DNAH2: variants seen among roughly 807,000 people sequenced by gnomAD.
DNAH2 encodes dynein axonemal heavy chain 2.
A neutral mutation model predicts 523.5 loss-of-function variants in DNAH2; 323 were observed. The ratio of observed to expected loss-of-function variants is 0.62; its 90% CI spans 0.56 to 0.68. The LOEUF is 0.68. Among genes scored for constraint, DNAH2 ranks in the 30% least tolerant of loss-of-function variants. The pLI, the probability that DNAH2 is intolerant of heterozygous loss-of-function variation, is 0.00. For missense variants in DNAH2, 4,907 were observed against 5,701.5 expected (o/e 0.86, Z 4.49); for synonymous variants, 2,093 against 2,177.4 (o/e 0.96, Z 1.08).
chr17:7,825,524 C>T (rs995261200), intron 77 of DNAH2, among the ~76,000 whole-genome samples: 4 of 152,226 alleles, frequency 2.6e-5, no homozygotes, highest in Middle Eastern at 3.2e-3. Context: ...ATCACTCCTG[C>T]TTTCCCCGCT....
chr17:7,814,824 G>A (rs1047384478), intron 63 of DNAH2, among the ~76,000 whole-genome samples: 7 of 152,208 alleles, frequency 4.6e-5, no homozygotes, highest in Non-Finnish European at 1.0e-4. Context: ...ACTCCAGCCT[G>A]GGAGACAAGA....
At position 7,786,070 on chromosome 17, in the gene DNAH2, C is replaced by G; in HGVS notation, c.6130-54C>G. The G allele has an allele frequency of 6.3e-7, 1 of 1,586,172 alleles. No homozygotes were observed. The highest frequency in any genetic ancestry group is 8.6e-7 in the Non-Finnish European group (1 of 1,157,994). On this transcript the variant is annotated intron_variant, in intron 39 of 85. Coordinates refer to ENST00000572933, the MANE Select transcript of DNAH2 (RefSeq NM_020877.5). The surrounding 1 kb of genome is among the most constrained non-coding windows in gnomAD (Gnocchi z 7.5). ...CTGGCACCGGGGAGATTTTGAAAGC[C>G]CTTTAAAGGCCTCATCCTTTTTCTT...
At position 7,833,687 on chromosome 17, in the gene DNAH2, AT is replaced by A; in HGVS notation, c.*155del. On this transcript the variant is annotated 3_prime_UTR_variant, in exon 86 of 86. Transcript: ENST00000572933. ...CTGGAGATACCTAGTTGTGTTAGCC[AT>A]AAAAGTGAAAGAGTTGTATTGGAGC... 9.5e-7 allele frequency: 1 copy of A among 1,053,990 alleles called. No homozygotes were observed. Among genetic ancestry groups the A allele is most frequent in the Non-Finnish European group, 1.4e-6 (1 of 706,818 alleles). 65.3% of individuals were successfully genotyped at this position (1,053,990 alleles called of 1,614,324 possible). A position where few individuals can be genotyped will look rare whatever the true frequency, so the allele number is the denominator to read the frequency against.
At chr17:7,801,506 C>G in intron 56 of DNAH2, 72 bp from the exon 57 acceptor site, 2 of 1,593,684 alleles carry the variant, frequency 1.3e-6, no homozygotes, top group Non-Finnish European at 8.6e-7. Flanking sequence ...TGAGTGGATG[C>G]GTGTTGGGAA....
chr17:7,722,194 G>GC (rs897335632), intron 2 of DNAH2, among the ~76,000 whole-genome samples: 2 of 151,214 alleles, frequency 1.3e-5, no homozygotes, highest in Non-Finnish European at 3.0e-5. Flanking sequence ...AGACGGGGGG[G>GC]GGGGTTCACC....
At chr17:7,744,293 CAAAAAA>C (rs397977899) in intron 12 of DNAH2, among the ~76,000 whole-genome samples, 2 of 37,114 alleles carry the variant, frequency 5.4e-5, no homozygotes, top group Non-Finnish European at 1.2e-4. Context: ...GTCTCCGTCT[CAAAAAA>C]AAAAAAAAAA....
intron 3 of DNAH2, among the ~76,000 whole-genome samples, chr17:7,726,509 G>A (rs1426420171): frequency 1.3e-5 from 2 of 151,830 alleles, no homozygotes; most frequent in African/African-American, 2.4e-5. Context: ...CTCCATGTTG[G>A]TCAGGCTGGT....
At chr17:7,818,597 G>A (rs779249331) in intron 69 of DNAH2, 46 bp from the exon 70 acceptor site, 2 of 1,609,810 alleles carry the variant, frequency 1.2e-6, no homozygotes, top group African/African-American at 1.3e-5. Flanking sequence ...GGAAGGTGAA[G>A]GTCGAAGGAG....
intron 77 of DNAH2, among the ~76,000 whole-genome samples, chr17:7,825,581 C>T (rs946270977): frequency 6.6e-6 from 1 of 152,188 alleles, no homozygotes; most frequent in African/African-American, 2.4e-5. Context: ...TTTTCCTCTG[C>T]CTGTGACCAG....
intron 48 of DNAH2, among the ~76,000 whole-genome samples, chr17:7,793,464 T>C (rs1224073201): frequency 4.9e-5 from 6 of 122,400 alleles, no homozygotes; most frequent in East Asian, 2.0e-4. Context: ...TCTTTCTTTC[T>C]TTCTTTCTTT....
rs200120575 is a variant in DNAH2 at position 7,831,330 on chromosome 17, C to T, written c.12459+16C>T. The T allele has an allele frequency of 1.2e-6, 2 of 1,613,792 alleles. No individual in the cohort carries two copies. Among genetic ancestry groups the T allele is most frequent in the South Asian group, 2.2e-5 (2 of 91,084 alleles). Reference sequence around the variant, plus strand: ...GGAAGAGAAGGTAAAAAGAGCCGGGCCTGGGGGAGGGAAAGTGATGAGAAG... The same window carrying T: ...GGAAGAGAAGGTAAAAAGAGCCGGGTCTGGGGGAGGGAAAGTGATGAGAAG... On this transcript the variant is annotated intron_variant, in intron 80 of 85. Coordinates refer to ENST00000572933, the MANE Select transcript of DNAH2 (RefSeq NM_020877.5). This position sits in a 1 kb window ranked among gnomAD's most constrained non-coding sequence, Gnocchi z 4.2.
rs145256859 is a variant in DNAH2, at chr17:7,777,533, G to T, written c.5146G>T (p.Glu1716Ter). Residue 1716 changes from glutamate to a stop codon, truncating the protein, a stop_gained, in exon 33 of 86, where the codon GAA (glutamate) becomes TAA (stop). Coordinates refer to ENST00000572933, the MANE Select transcript of DNAH2 (RefSeq NM_020877.5). LOFTEE classifies it high-confidence loss of function. ...TAAAATTGTGGCTCTGGTGACGATA[G>T]AAATTCATGCCCGGGATGTGTTGGA... The part of the protein sequence containing the change: ...RLKIVALVTI[E>*]IHARDVLEKL... 14 of 1,614,058 alleles carry T rather than the reference G, an allele frequency of 8.7e-6. No homozygotes were observed. The African/African-American group carries it at 1.9e-4, about 22-fold the overall frequency.
At chr17:7,759,276 A>G in intron 15 of DNAH2, 146 bp from the exon 16 acceptor site, 1 of 1,424,858 alleles carries the variant, frequency 7.0e-7, no homozygotes, top group Non-Finnish European at 9.4e-7. Context: ...GCCAACCTTC[A>G]GTCCTCACAC....
chr17:7,745,687 G>C (rs1040321071), intron 12 of DNAH2, among the ~76,000 whole-genome samples: 4 of 151,682 alleles, frequency 2.6e-5, no homozygotes, highest in South Asian at 2.1e-4. Flanking sequence ...CTACTCAGGA[G>C]GCTGAGGTGG....
At chr17:7,725,113 A>C (rs1030581786) in intron 3 of DNAH2, among the ~76,000 whole-genome samples, 1 of 148,334 alleles carries the variant, frequency 6.7e-6, no homozygotes, top group South Asian at 2.1e-4. Flanking sequence ...TTTTTGAGAC[A>C]GAGTCTTGGT....
chr17:7,765,474 A>G lies in DNAH2; in HGVS notation c.3420A>G (p.Lys1140=). Residue 1140 remains lysine, a synonymous_variant, in exon 21 of 86, where the codon AAA becomes AAG. Coordinates refer to ENST00000572933, the MANE Select transcript of DNAH2 (RefSeq NM_020877.5). ...TLLDSKQMLK[K]HKEKFKTGLI... ...TGGACAGTAAGCAAATGCTGAAGAAACACAAGGAGAAATTCAAGACAGGCC... is the reference window on the plus strand; with the variant it reads ...TGGACAGTAAGCAAATGCTGAAGAAGCACAAGGAGAAATTCAAGACAGGCC... The G allele has an allele frequency of 2.5e-6, 4 of 1,614,260 alleles. No homozygotes were observed. The highest frequency in any genetic ancestry group is 2.5e-6 in the Non-Finnish European group (3 of 1,180,052).
chr17:7,765,697 C>T (rs1056816718), intron 21 of DNAH2, 132 bp downstream of exon 21: 5 of 980,912 alleles, frequency 5.1e-6, no homozygotes, highest in Non-Finnish European at 7.5e-6. Flanking sequence ...GAAGAGCCTC[C>T]ACTCAGGAGC....
chr17:7,797,229 C>T lies in DNAH2; in HGVS notation c.7917C>T (p.Ser2639=), dbSNP rs540558055. The T allele has an allele frequency of 6.6e-5, 107 of 1,613,926 alleles. No homozygotes were observed. Among genetic ancestry groups the T allele is most frequent in the Non-Finnish European group, 8.6e-5 (102 of 1,180,004 alleles). The change falls in exon 51 of 86, where the codon AGC becomes AGT. Residue 2639 remains serine, a synonymous_variant. Transcript: ENST00000572933. The stretch of plus-strand genomic sequence containing the variant: ...AGGACTTCCATGATACCAAGTCCAG[C>T]ATCACACGGCTCTGGATCCATGAAT... ...ANKDFHDTKS[S]ITRLWIHECF...
rs893140497 is a variant in DNAH2 at position 7,824,618 on chromosome 17, T to G, written c.11744T>G (p.Val3915Gly). The G allele has an allele frequency of 2.2e-5, 35 of 1,608,594 alleles. No homozygotes were observed. Among genetic ancestry groups the G allele is most frequent in the Non-Finnish European group, 2.8e-5 (33 of 1,176,298 alleles). The change falls in exon 77 of 86, where the codon GTG (valine) becomes GGG (glycine). Residue 3915 changes from valine to glycine, a missense_variant. This residue lies in a region of DNAH2 where 1,851 missense variants were observed against 2,139.4 expected (regional missense o/e 0.87). Transcript: ENST00000572933. Reference sequence around the variant, plus strand: ...GACAAGCTGGTGGAGCAGCTGCAGGTGGAGGATCCTCATCCATCCTTCCGC... The same window carrying G: ...GACAAGCTGGTGGAGCAGCTGCAGGGGGAGGATCCTCATCCATCCTTCCGC... ...NLDKLVEQLQ[V>G]EDPHPSFRLW...
Sources: gnomAD v4.1 joint callset for allele counts (sites outside exome capture counted in the v4.1 genomes callset) on GRCh38, gnomAD v4.1.1 for gene constraint, gnomAD v4.1.1 regional missense constraint, Gnocchi (gnomAD v3.1) non-coding constraint, MANE v1.5 for transcripts, NCBI Gene and HGNC (gene_info 2026-07-23, HGNC 2026-07-21) for gene names.